TAFA5: variants seen among roughly 807,000 people sequenced by gnomAD.
TAFA5 encodes the protein TAFA chemokine like family member 5, also known as chemokine-like protein TAFA-5.
Under a neutral mutation model 15.3 loss-of-function variants are expected in TAFA5, and 6 were observed. That is an observed-to-expected ratio of 0.39 (90% CI 0.21 to 0.77). The LOEUF (loss-of-function observed/expected upper bound fraction) is 0.77, where lower values mean the gene tolerates loss of function less well. Among genes scored for constraint, TAFA5 ranks in the 30% least tolerant of loss-of-function variants. TAFA5 has a pLI of 0.41. For missense variants in TAFA5, 161 were observed against 193.1 expected (o/e 0.83, Z 0.98); for synonymous variants, 103 against 80.7 (o/e 1.28, Z -1.48).
intron 1 of TAFA5, among the ~76,000 whole-genome samples, chr22:48,500,017 G>C (rs1490477227): frequency 1.3e-5 from 2 of 152,048 alleles, no homozygotes; most frequent in African/African-American, 4.8e-5. Flanking sequence ...GCCACCTTCT[G>C]TTCCCTTCAA....
intron 2 of TAFA5, among the ~76,000 whole-genome samples, chr22:48,671,108 AT>A (rs1192272842): frequency 6.6e-6 from 1 of 152,104 alleles, no homozygotes; most frequent in African/African-American, 2.4e-5. Context: ...CTCTTAAATC[AT>A]GCCTTGGATG....
At chr22:48,748,082 C>T (rs112480829) in intron 3 of TAFA5, among the ~76,000 whole-genome samples, 175 of 152,302 alleles carry the variant, frequency 1.1e-3, no homozygotes, top group Admixed American at 2.9e-3. Flanking sequence ...AAGCTGAACA[C>T]GCGCTCCACA....
At chr22:48,676,217 G>A (rs541864332) in intron 2 of TAFA5, among the ~76,000 whole-genome samples, 1 of 152,262 alleles carries the variant, frequency 6.6e-6, no homozygotes, top group African/African-American at 2.4e-5. Flanking sequence ...CCTGGACAGC[G>A]TCCACCTCAT....
chr22:48,544,446 G>A (rs778088038), intron 1 of TAFA5: 10 of 347,642 alleles, frequency 2.9e-5, no homozygotes, highest in African/African-American at 8.6e-5. Context: ...CCCGTCCCTC[G>A]AGGTGACATC....
intron 3 of TAFA5, among the ~76,000 whole-genome samples, chr22:48,711,500 G>A (rs879539253): frequency 2.0e-5 from 3 of 152,112 alleles, no homozygotes; most frequent in Non-Finnish European, 4.4e-5. Context: ...CTGGCCTGTG[G>A]TGACCTGTGT....
intron 1 of TAFA5, among the ~76,000 whole-genome samples, chr22:48,617,621 G>A (rs889396464): frequency 1.3e-5 from 2 of 152,234 alleles, no homozygotes; most frequent in Admixed American, 6.5e-5. Flanking sequence ...AAGAAACTGG[G>A]GATGCAGCAG....
Position 48,750,471 on chromosome 22 carries a change from C to T in TAFA5, c.*624C>T, listed in dbSNP as rs1000848126. 8 of 152,912 alleles carry T rather than the reference C, an allele frequency of 5.2e-5. No individual in the cohort carries two copies. Among genetic ancestry groups the T allele is most frequent in the African/African-American group, 1.9e-4 (8 of 41,450 alleles). The allele number at this position is 152,912 out of a possible 1,614,324, so 9.5% of individuals were successfully genotyped here. On this transcript the variant is annotated 3_prime_UTR_variant, in exon 4 of 4. Coordinates refer to ENST00000402357, the MANE Select transcript of TAFA5 (RefSeq NM_001082967.3). The stretch of plus-strand genomic sequence containing the variant: ...GGGCGGCCGTGGTGGAGGCCTCCAC[C>T]CCAGGAGCACCCCGCGCACCCTCGG...
rs531692579 is a variant in TAFA5, at chr22:48,506,492, G to A, written c.112+16788G>A. On this transcript the variant is annotated intron_variant, in intron 1 of 3. Coordinates refer to ENST00000402357, the MANE Select transcript of TAFA5 (RefSeq NM_001082967.3). ...ATGTCCAGGGTGTAGGGCTCTTCCC[G>A]GCAGTGGATCGTCTATCTGAGACCA... is the stretch of plus-strand genomic sequence containing the variant. Among the ~76,000 whole-genome samples, 15 of 152,212 alleles carry A rather than the reference G, an allele frequency of 9.9e-5. No individual in the cohort carries two copies. In the East Asian group the frequency reaches 1.6e-3, roughly 16 times the overall value.
intron 1 of TAFA5, chr22:48,539,478 T>G: frequency 2.1e-6 from 1 of 471,220 alleles, no homozygotes; most frequent in Non-Finnish European, 4.4e-6. Flanking sequence ...ATTATTGTGT[T>G]GACTTTTCTT....
At chr22:48,720,597 C>G (rs997788629) in intron 3 of TAFA5, among the ~76,000 whole-genome samples, 5 of 152,170 alleles carry the variant, frequency 3.3e-5, no homozygotes, top group African/African-American at 4.8e-5. Context: ...TCCTGGGGAC[C>G]ATCCTCCGGC....
intron 2 of TAFA5, among the ~76,000 whole-genome samples, chr22:48,655,806 G>C (rs5771683): frequency 0.65 from 96,367 of 147,572 alleles, 32,117 homozygotes; most frequent in South Asian, 0.77. Context: ...GTCCTGCCTG[G>C]CTTCCTGAAG....
At chr22:48,597,637 G>C (rs903649420) in intron 1 of TAFA5, among the ~76,000 whole-genome samples, 1 of 152,274 alleles carries the variant, frequency 6.6e-6, no homozygotes, top group Non-Finnish European at 1.5e-5. Flanking sequence ...TGGCTCACTT[G>C]TGAGGGGAAC....
rs1601579664 is a variant in TAFA5 at position 48,560,270 on chromosome 22, A to G, written c.112+70566A>G. Among the ~76,000 whole-genome samples the G allele has an allele frequency of 6.6e-6, 1 of 152,364 alleles. No individual in the cohort carries two copies. The highest frequency in any genetic ancestry group is 1.9e-4 in the East Asian group (1 of 5,174). On this transcript the variant is annotated intron_variant, in intron 1 of 3. Coordinates refer to ENST00000402357, the MANE Select transcript of TAFA5 (RefSeq NM_001082967.3). This position sits in a 1 kb window ranked among gnomAD's most constrained non-coding sequence, Gnocchi z 4.2. ...GTCGTGCGCCCAGGCTGGTGCCGTCAGGCTCCCGGCATTGGTGCACCCCGG... is the reference window on the plus strand; with the variant it reads ...GTCGTGCGCCCAGGCTGGTGCCGTCGGGCTCCCGGCATTGGTGCACCCCGG...
At chr22:48,601,662 A>G (rs1360634810) in intron 1 of TAFA5, among the ~76,000 whole-genome samples, 2 of 152,172 alleles carry the variant, frequency 1.3e-5, no homozygotes, top group South Asian at 2.1e-4. Context: ...TACATTGTAC[A>G]GAATTTAAAA....
chr22:48,719,938 C>T (rs1311509658), intron 3 of TAFA5, among the ~76,000 whole-genome samples: 2 of 152,178 alleles, frequency 1.3e-5, no homozygotes, highest in Non-Finnish European at 2.9e-5. Context: ...TTGACCAAAC[C>T]CACATTATTT....
chr22:48,515,722 C>T (rs540126934), intron 1 of TAFA5, among the ~76,000 whole-genome samples: 45 of 152,124 alleles, frequency 3.0e-4, no homozygotes, highest in African/African-American at 6.5e-4. Flanking sequence ...CCAGGCGGGA[C>T]GGGGAGTGTG....
intron 1 of TAFA5, among the ~76,000 whole-genome samples, chr22:48,578,865 G>C (rs947758553): frequency 1.9e-4 from 29 of 152,302 alleles, no homozygotes; most frequent in Non-Finnish European, 3.4e-4. Flanking sequence ...GCAGGGAGGG[G>C]GGTGGCCGAC....
chr22:48,490,074 G>A lies in TAFA5; in HGVS notation c.112+370G>A, dbSNP rs1378279721. Among the ~76,000 whole-genome samples the A allele has an allele frequency of 1.3e-5, 2 of 152,056 alleles. No homozygotes were observed. Among genetic ancestry groups the A allele is most frequent in the Non-Finnish European group, 2.9e-5 (2 of 67,988 alleles). ...GGCAGCCGCAGGTCGCGGAGGGCGG[G>A]CGGCGCTGCCGGGGTGTCTGCGGAG... On this transcript the variant is annotated intron_variant, in intron 1 of 3. Transcript: ENST00000402357. This position sits in a 1 kb window ranked among gnomAD's most constrained non-coding sequence, Gnocchi z 5.8.
rs533466812 is a variant in TAFA5, at chr22:48,630,745, G to T, written c.113-15852G>T. Among the ~76,000 whole-genome samples the T allele has an allele frequency of 3.9e-5, 6 of 152,342 alleles. No individual in the cohort carries two copies. The South Asian group carries it at 8.3e-4, about 21-fold the overall frequency. On this transcript the variant is annotated intron_variant, in intron 1 of 3. Transcript: ENST00000402357. ...CTGGCTACCGGGGCCCTGAATCACG[G>T]GGGCGATGAGCCCCAGGCTCCAGGC...
Sources: gnomAD v4.1 joint callset for allele counts (sites outside exome capture counted in the v4.1 genomes callset) on GRCh38, gnomAD v4.1.1 for gene constraint, Gnocchi (gnomAD v3.1) non-coding constraint, MANE v1.5 for transcripts, NCBI Gene and HGNC (gene_info 2026-07-23, HGNC 2026-07-21) for gene names.